Variants in SLC22A17 observed in about 807,000 individuals in gnomAD.
SLC22A17 encodes the protein 24p3 receptor.
SLC22A17 carries 38 observed loss-of-function variants against 53.6 expected under a neutral mutation model. The ratio of observed to expected loss-of-function variants is 0.71; its 90% CI spans 0.55 to 0.93. The LOEUF is 0.93. Ranked by LOEUF, SLC22A17 falls within the 40% of genes least tolerant of loss-of-function variation. SLC22A17 has a pLI of 0.00. For synonymous variants in SLC22A17, 379 were observed against 353.0 expected (o/e 1.07, Z -0.82); for missense variants, 704 against 791.0 (o/e 0.89, Z 1.32).
At chr14:23,349,346 G>A (rs1290497621) in exon 4 of SLC22A17, 1 of 1,614,072 alleles carries the variant, frequency 6.2e-7, no homozygotes, top group Admixed American at 1.7e-5. Flanking sequence ...GACGCCTGTG[G>A]AGGAGCCTGC....
At chr14:23,346,675 C>A in exon 10 of SLC22A17, 2 of 1,514,422 alleles carry the variant, frequency 1.3e-6, no homozygotes, top group South Asian at 2.6e-5. Flanking sequence ...GGGTGGCAAG[C>A]AGCGGGACGT....
At chr14:23,350,721 T>C (rs1010109181) in intron 3 of SLC22A17, among the ~76,000 whole-genome samples, 8 of 152,166 alleles carry the variant, frequency 5.3e-5, no homozygotes, top group Admixed American at 5.2e-4. Flanking sequence ...GAAGACCAAA[T>C]TATTGATCTT....
At position 23,352,357 on chromosome 14, in the gene SLC22A17, C is replaced by T; in HGVS notation, c.191G>A (p.Gly64Glu). 3 of 909,124 alleles carry T rather than the reference C, an allele frequency of 3.3e-6. No homozygotes were observed. Among genetic ancestry groups the T allele is most frequent in the Non-Finnish European group, 4.6e-6 (3 of 657,956 alleles). The allele number at this position is 909,124 out of a possible 1,614,324, so 56.3% of individuals were successfully genotyped here. A position where few individuals can be genotyped will look rare whatever the true frequency, so the allele number is the denominator to read the frequency against. The change falls in exon 2 of 10, where the codon GGA becomes GAA. Residue 64 changes from glycine to glutamate, a missense_variant. Around this residue, in one of 4 missense-constraint regions of SLC22A17, gnomAD observed 42 missense variants for 28.2 expected, o/e 1.49. Transcript: ENST00000397267. The surrounding 1 kb of genome is among the most constrained non-coding windows in gnomAD (Gnocchi z 7.2). The stretch of plus-strand genomic sequence containing the variant: ...GGCCAGCGACAGGCTGCTGCCCAGT[C>T]CGTCGCCGCCCGCGTCTCCCTCCCC...
At chr14:23,349,321 G>A in exon 4 of SLC22A17, 1 of 1,614,080 alleles carries the variant, frequency 6.2e-7, no homozygotes, top group Admixed American at 1.7e-5. Context: ...AGCCCAAGAG[G>A]AATCGGAGGG....
In SLC22A17 at chr14:23,348,773, C is replaced by T; in HGVS notation, c.860-102G>A. On this transcript the variant is annotated intron_variant, in intron 4 of 9. Coordinates refer to ENST00000397267, the Ensembl canonical transcript of SLC22A17. The surrounding 1 kb of genome is among the most constrained non-coding windows in gnomAD (Gnocchi z 4.5). The stretch of plus-strand genomic sequence containing the variant: ...GAGGGAGGAGGACAGAGAGAGAGGT[C>T]AGACCCAGAGTGGAGGCTGCAGCCA... 2.3e-6 allele frequency: 3 copies of T among 1,287,530 alleles called. No individual in the cohort carries two copies. Among genetic ancestry groups the T allele is most frequent in the Non-Finnish European group, 3.1e-6 (3 of 953,618 alleles). The allele number at this position is 1,287,530 out of a possible 1,614,324, so 79.8% of individuals were successfully genotyped here. A position where few individuals can be genotyped will look rare whatever the true frequency, so the allele number is the denominator to read the frequency against.
At chr14:23,351,649 G>T in intron 3 of SLC22A17, 103 bp downstream of exon 3, 1 of 870,552 alleles carries the variant, frequency 1.1e-6, no homozygotes, top group Non-Finnish European at 1.8e-6. Context: ...AGACTGCAGA[G>T]TCCAGCGAAT....
At chr14:23,351,716 C>G (rs371094181) in intron 3 of SLC22A17, 36 bp downstream of exon 3, 2 of 1,576,358 alleles carry the variant, frequency 1.3e-6, no homozygotes, top group African/African-American at 1.4e-5. Flanking sequence ...AGCACCCCCT[C>G]CTTTCTACCA....
exon 2 of SLC22A17, chr14:23,351,951 G>A (rs1452949392): frequency 1.2e-6 from 2 of 1,612,712 alleles, no homozygotes; most frequent in Non-Finnish European, 1.7e-6. Flanking sequence ...GCCTCACCTG[G>A]CCGATGGCGT....
At position 23,348,501 on chromosome 14, in the gene SLC22A17, C is replaced by T; in HGVS notation, c.1025+5G>A. 1 of 1,613,008 alleles carries T rather than the reference C, an allele frequency of 6.2e-7. No homozygotes were observed. The highest frequency in any genetic ancestry group is 8.5e-7 in the Non-Finnish European group (1 of 1,179,418). On this transcript the variant is annotated splice_donor_5th_base_variant and intron_variant, in intron 5 of 9. Coordinates refer to ENST00000397267, the Ensembl canonical transcript of SLC22A17. The surrounding 1 kb of genome is among the most constrained non-coding windows in gnomAD (Gnocchi z 4.5). ...GCCAGACGACAGGTGAAGGGTAATA[C>T]TGACCCATAAAACAGGAAGAGGATG...
intron 3 of SLC22A17, 155 bp from the exon 4 acceptor site, chr14:23,349,581 G>A (rs994984528): frequency 2.3e-6 from 2 of 873,124 alleles, no homozygotes; most frequent in East Asian, 5.3e-5. Flanking sequence ...GGAGGGATGG[G>A]GACCATGGGT....
Position 23,348,436 on chromosome 14 carries a change from T to C in SLC22A17, c.1025+70A>G. 1 of 1,585,108 alleles carries C rather than the reference T, an allele frequency of 6.3e-7. No individual in the cohort carries two copies. Among genetic ancestry groups the C allele is most frequent in the South Asian group, 1.2e-5 (1 of 85,854 alleles). ...AGGGGTAGTTGGAGAAGAGGAGGGGTCTCCGGGCTAGGGCTAGTTTGGAGG... is the reference window on the plus strand; with the variant it reads ...AGGGGTAGTTGGAGAAGAGGAGGGGCCTCCGGGCTAGGGCTAGTTTGGAGG... On this transcript the variant is annotated intron_variant, in intron 5 of 9. Coordinates refer to ENST00000397267, the Ensembl canonical transcript of SLC22A17. The surrounding 1 kb of genome is among the most constrained non-coding windows in gnomAD (Gnocchi z 4.5).
Position 23,348,655 on chromosome 14 carries a change from G to A in SLC22A17, c.876C>T (p.Asp292=), listed in dbSNP as rs1286121590. The change falls in exon 5 of 10, where the codon GAC becomes GAT. Residue 292 remains aspartate (D), a synonymous_variant. Transcript: ENST00000397267. The surrounding 1 kb of genome is among the most constrained non-coding windows in gnomAD (Gnocchi z 4.5). ...GGGCCACCCGAAGCCTCTGGGTTGG[G>A]TCGCACAGCTCCAGGCCTGGAGATA... is the stretch of plus-strand genomic sequence containing the variant. The A allele has an allele frequency of 2.3e-5, 37 of 1,612,328 alleles. No individual in the cohort carries two copies. Among genetic ancestry groups the A allele is most frequent in the Non-Finnish European group, 3.1e-5 (37 of 1,179,218 alleles).
At position 23,347,612 on chromosome 14, in the gene SLC22A17, A is replaced by C; in HGVS notation, c.1397T>G (p.Leu466Arg). The C allele has an allele frequency of 6.2e-7, 1 of 1,613,998 alleles. No homozygotes were observed. Among genetic ancestry groups the C allele is most frequent in the Non-Finnish European group, 8.5e-7 (1 of 1,179,990 alleles). Reference sequence around the variant, plus strand: ...GCCAAATCGGTCCACGGTGACCCCCAGGAAGACACAGGCCAGGGCTGCGGT... The same window carrying C: ...GCCAAATCGGTCCACGGTGACCCCCCGGAAGACACAGGCCAGGGCTGCGGT... Residue 466 changes from leucine (L) to arginine (R), a missense_variant, in exon 8 of 10, where the codon CTG (leucine) becomes CGG (arginine). Leu to Arg is a moderately radical substitution (Grantham distance 102). Transcript: ENST00000397267. This position sits in a 1 kb window ranked among gnomAD's most constrained non-coding sequence, Gnocchi z 5.1.
Position 23,346,662 on chromosome 14 carries a change from TG to T in SLC22A17, c.1935del (p.Asn646ThrfsTer29). The T allele has an allele frequency of 1.3e-6, 2 of 1,505,518 alleles. No homozygotes were observed. The highest frequency in any genetic ancestry group is 1.8e-6 in the Non-Finnish European group (2 of 1,128,232). 93.3% of individuals were successfully genotyped at this position (1,505,518 alleles called of 1,614,324 possible). On this transcript the variant is annotated frameshift_variant, in exon 10 of 10. Transcript: ENST00000397267. LOFTEE classifies it high-confidence loss of function. ...TCAGAGGCCGCTCAGAGGGCAGGGT[TG>T]GGGGTGGCAAGCAGCGGGACGTGGT...
chr14:23,347,189 T>C lies in SLC22A17; in HGVS notation c.1573A>G (p.Thr525Ala), dbSNP rs1166249050. 1.9e-6 allele frequency: 3 copies of C among 1,613,704 alleles called. No homozygotes were observed. Among genetic ancestry groups the C allele is most frequent in the Non-Finnish European group, 2.5e-6 (3 of 1,179,892 alleles). The change falls in exon 9 of 10, where the codon ACT (threonine) becomes GCT (alanine). Residue 525 changes from threonine (T) to alanine (A), a missense_variant. Around this residue, in one of 4 missense-constraint regions of SLC22A17, gnomAD observed 435 missense variants for 529.0 expected, o/e 0.82. Coordinates refer to ENST00000397267, the Ensembl canonical transcript of SLC22A17. This position sits in a 1 kb window ranked among gnomAD's most constrained non-coding sequence, Gnocchi z 5.1. The stretch of plus-strand genomic sequence containing the variant: ...GAGAAGAGCCCAAGGACAGAGAAAG[T>C]GGTGATGGCAGCCTCGTTCAGATCT...
At position 23,352,636 on chromosome 14, in the gene SLC22A17, G is replaced by C. The variant is rs1889716186; in HGVS notation, c.96+10C>G. On this transcript the variant is annotated intron_variant, in intron 1 of 9. Transcript: ENST00000397267. The surrounding 1 kb of genome is among the most constrained non-coding windows in gnomAD (Gnocchi z 7.2). ...AGGATGGCGTCGCCACCTGGGGCTC[G>C]GGCACTTACTCCGTTGGAGGTGGGG... is the stretch of plus-strand genomic sequence containing the variant. 1 of 410,888 alleles carries C rather than the reference G, an allele frequency of 2.4e-6. No homozygotes were observed. Among genetic ancestry groups the C allele is most frequent in the Non-Finnish European group, 4.3e-6 (1 of 234,924 alleles). 25.5% of individuals were successfully genotyped at this position (410,888 alleles called of 1,614,324 possible). A position where few individuals can be genotyped will look rare whatever the true frequency, so the allele number is the denominator to read the frequency against.
exon 10 of SLC22A17, chr14:23,346,410 C>A (rs1415344265): frequency 1.6e-5 from 8 of 492,484 alleles, no homozygotes; most frequent in South Asian, 1.3e-4. Context: ...AGGATGGAGC[C>A]CAGACCCAGT....
chr14:23,348,755 G>C lies in SLC22A17; in HGVS notation c.860-84C>G. Reference sequence around the variant, plus strand: ...GAGAGAAGAAGAAAGAGGGAGGGAGGAGGACAGAGAGAGAGGTCAGACCCA... The same window carrying C: ...GAGAGAAGAAGAAAGAGGGAGGGAGCAGGACAGAGAGAGAGGTCAGACCCA... On this transcript the variant is annotated intron_variant, in intron 4 of 9. Transcript: ENST00000397267. This position sits in a 1 kb window ranked among gnomAD's most constrained non-coding sequence, Gnocchi z 4.5. 4 of 1,359,064 alleles carry C rather than the reference G, an allele frequency of 2.9e-6. No homozygotes were observed. The highest frequency in any genetic ancestry group is 1.5e-5 in the African/African-American group (1 of 68,508). 84.2% of individuals were successfully genotyped at this position (1,359,064 alleles called of 1,614,324 possible). A position where few individuals can be genotyped will look rare whatever the true frequency, so the allele number is the denominator to read the frequency against.
At position 23,347,542 on chromosome 14, in the gene SLC22A17, A is replaced by C. The variant is rs1318865513; in HGVS notation, c.1467T>G (p.Ala489=). Residue 489 remains alanine (A), a synonymous_variant, in exon 8 of 10, where the codon GCT becomes GCG. Transcript: ENST00000397267. The surrounding 1 kb of genome is among the most constrained non-coding windows in gnomAD (Gnocchi z 5.1). ...CCCACAGGCCCAGCAGGACCAGGGA[A>C]GCAATGCCGGTAAGGGTCATGGAGA... 1 of 1,614,106 alleles carries C rather than the reference A, an allele frequency of 6.2e-7. No homozygotes were observed. Among genetic ancestry groups the C allele is most frequent in the South Asian group, 1.1e-5 (1 of 91,090 alleles).
Sources: allele counts gnomAD v4.1 joint callset (sites outside exome capture counted in the v4.1 genomes callset), GRCh38; gene constraint gnomAD v4.1.1; regional missense constraint gnomAD v4.1.1; non-coding constraint Gnocchi (gnomAD v3.1); transcripts MANE v1.5; gene names NCBI Gene and HGNC (gene_info 2026-07-23, HGNC 2026-07-21).